WWOX: variants seen among roughly 807,000 people sequenced by gnomAD.
The protein encoded by WWOX is WW domain-containing oxidoreductase.
In WWOX, 69 loss-of-function variants were observed where a neutral mutation model predicts 46.2. The observed-to-expected ratio is 1.49, with a 90% CI of 1.23 to 1.82. WWOX has a LOEUF of 1.82. Among genes scored for constraint, WWOX ranks in the 40% most tolerant of loss-of-function variants. WWOX has a pLI of 0.00. For missense variants in WWOX, 919 were observed against 542.6 expected, an observed-to-expected ratio of 1.69 and a Z score of -6.89; for synonymous variants, 359 against 202.6, an observed-to-expected ratio of 1.77 and a Z score of -6.56.
intron 6 of WWOX, among the ~76,000 whole-genome samples, chr16:78,410,977 C>T (rs1022893827): frequency 6.6e-6 from 1 of 152,116 alleles, no homozygotes; most frequent in Non-Finnish European, 1.5e-5. Context: ...AGTTCCCTGC[C>T]ATGTGGGCCT....
intron 8 of WWOX, among the ~76,000 whole-genome samples, chr16:78,531,108 C>T (rs577734654): frequency 1.9e-4 from 29 of 152,180 alleles, no homozygotes; most frequent in African/African-American, 5.8e-4. Context: ...GTTTGCATTT[C>T]ATGAGTCTTG....
rs374143420 is a variant in WWOX, at chr16:78,566,895, G to A, written c.1056+134143G>A. 2.6e-4 allele frequency among the ~76,000 whole-genome samples: 40 copies of A among 152,286 alleles called. No homozygotes were observed. In the East Asian group the frequency reaches 7.5e-3, roughly 29 times the overall value. ...AAGAATTGAAGATCAAAGGGGTCAC[G>A]TCTCTGTGAATAGTATTAGTAATAG... On this transcript the variant is annotated intron_variant, in intron 8 of 8. Coordinates refer to ENST00000566780, the MANE Select transcript of WWOX (RefSeq NM_016373.4).
intron 8 of WWOX, among the ~76,000 whole-genome samples, chr16:78,509,740 T>C (rs756383847): frequency 2.6e-5 from 4 of 152,118 alleles, no homozygotes; most frequent in Admixed American, 1.3e-4. Flanking sequence ...GTGATTGCAA[T>C]GTTAATAATG....
At chr16:79,170,838 T>A (rs1202070582) in intron 8 of WWOX, among the ~76,000 whole-genome samples, 1 of 152,192 alleles carries the variant, frequency 6.6e-6, no homozygotes, top group African/African-American at 2.4e-5. Flanking sequence ...CTTTCCAGGT[T>A]TGAGGGTGAT....
intron 8 of WWOX, among the ~76,000 whole-genome samples, chr16:78,982,518 G>C (rs2046702528): frequency 6.6e-6 from 1 of 152,174 alleles, no homozygotes; most frequent in Admixed American, 6.5e-5. Context: ...TGTATCTTTA[G>C]ACTTTAACTG....
At chr16:78,547,154 A>AC (rs2044059039) in intron 8 of WWOX, among the ~76,000 whole-genome samples, 1 of 128,980 alleles carries the variant, frequency 7.8e-6, no homozygotes, top group African/African-American at 2.6e-5. Flanking sequence ...AAAAAAAAAA[A>AC]AAAAACAACT....
At chr16:78,190,038 G>A (rs977946243) in intron 5 of WWOX, among the ~76,000 whole-genome samples, 1 of 152,156 alleles carries the variant, frequency 6.6e-6, no homozygotes, top group Non-Finnish European at 1.5e-5. Context: ...TCCAGCACAT[G>A]TGTCCACACT....
In WWOX at chr16:78,342,263, C is replaced by T. The variant is rs1488081705; in HGVS notation, c.517-44597C>T. Among the ~76,000 whole-genome samples the T allele has an allele frequency of 4.1e-5, 5 of 121,188 alleles. 2 individuals carry two copies. Among genetic ancestry groups the T allele is most frequent in the South Asian group, 2.5e-4 (1 of 4,054 alleles). The allele number at this position is 121,188 out of a possible 152,430, so 79.5% of individuals were successfully genotyped here. A position where few individuals can be genotyped will look rare whatever the true frequency, so the allele number is the denominator to read the frequency against. On this transcript the variant is annotated intron_variant, in intron 5 of 8. Transcript: ENST00000566780. ...CTACGACAAACAACTTGCAACGTCTCATTATCTTCATACAACAAACGCTGA... is the reference window on the plus strand; with the variant it reads ...CTACGACAAACAACTTGCAACGTCTTATTATCTTCATACAACAAACGCTGA...
At chr16:78,822,405 A>G (rs1166296871) in intron 8 of WWOX, among the ~76,000 whole-genome samples, 1 of 152,150 alleles carries the variant, frequency 6.6e-6, no homozygotes, top group Non-Finnish European at 1.5e-5. Flanking sequence ...GAGGCAGGAG[A>G]ATGGCTTGAA....
intron 5 of WWOX, among the ~76,000 whole-genome samples, chr16:78,208,509 A>C (rs2036464125): frequency 6.6e-6 from 1 of 152,056 alleles, no homozygotes; most frequent in African/African-American, 2.4e-5. Context: ...ACGTGGCACT[A>C]TTTTTTCTTT....
At chr16:79,091,214 A>G (rs189185344) in intron 8 of WWOX, among the ~76,000 whole-genome samples, 63 of 152,322 alleles carry the variant, frequency 4.1e-4, no homozygotes, top group Admixed American at 3.3e-3. Context: ...ATAAAACAAA[A>G]CAAACAATGT....
intron 8 of WWOX, among the ~76,000 whole-genome samples, chr16:79,044,031 C>T (rs1186681388): frequency 6.6e-6 from 1 of 152,170 alleles, no homozygotes; most frequent in Admixed American, 6.5e-5. Flanking sequence ...CTCCTAGAGC[C>T]AGGAAGAGGC....
At chr16:79,111,192 T>C (rs140797118) in intron 8 of WWOX, among the ~76,000 whole-genome samples, 1 of 152,342 alleles carries the variant, frequency 6.6e-6, no homozygotes, top group East Asian at 1.9e-4. Flanking sequence ...TATCTCTTAT[T>C]CGTGCATCTT....
intron 8 of WWOX, among the ~76,000 whole-genome samples, chr16:79,095,955 T>C (rs2049060836): frequency 6.7e-6 from 1 of 149,050 alleles, no homozygotes; most frequent in South Asian, 2.1e-4. Context: ...GTTCAAGTGA[T>C]TTTCCCACCT....
chr16:78,666,211 C>G (rs75323145), intron 8 of WWOX, among the ~76,000 whole-genome samples: 8,131 of 152,066 alleles, frequency 0.053, 286 homozygotes, highest in South Asian at 0.16. Flanking sequence ...TGTTGGAGCC[C>G]GGGAGGTCAA....
At chr16:79,010,658 A>G (rs562779182) in intron 8 of WWOX, among the ~76,000 whole-genome samples, 4 of 152,340 alleles carry the variant, frequency 2.6e-5, no homozygotes, top group African/African-American at 9.6e-5. Context: ...GTTGGAGAAG[A>G]CAGTGGATTG....
intron 8 of WWOX, among the ~76,000 whole-genome samples, chr16:79,034,259 C>T (rs2047822465): frequency 6.6e-6 from 1 of 152,122 alleles, no homozygotes; most frequent in Non-Finnish European, 1.5e-5. Context: ...TTCACTGTCT[C>T]AGAAAAAGGC....
At chr16:78,333,998 C>T (rs1164033172) in intron 5 of WWOX, among the ~76,000 whole-genome samples, 1 of 152,130 alleles carries the variant, frequency 6.6e-6, no homozygotes, top group Non-Finnish European at 1.5e-5. Flanking sequence ...GCCTGAGTTC[C>T]TTTTGTGAAG....
chr16:79,087,675 C>T (rs1162398238), intron 8 of WWOX, among the ~76,000 whole-genome samples: 2 of 152,204 alleles, frequency 1.3e-5, no homozygotes, highest in Admixed American at 6.5e-5. Flanking sequence ...TAGATCGTTG[C>T]ATTTGTGGTC....
Sources: allele counts gnomAD v4.1 joint callset (sites outside exome capture counted in the v4.1 genomes callset), GRCh38; gene constraint gnomAD v4.1.1; transcripts MANE v1.5; gene names NCBI Gene and HGNC (gene_info 2026-07-23, HGNC 2026-07-21).